Variants in SPIDR observed in about 807,000 individuals in gnomAD.
SPIDR encodes the protein DNA repair-scaffolding protein.
A neutral mutation model predicts 104.6 loss-of-function variants in SPIDR; 93 were observed. The ratio of observed to expected loss-of-function variants is 0.89; its 90% CI spans 0.75 to 1.06. The LOEUF (loss-of-function observed/expected upper bound fraction) is 1.06. SPIDR is among the 50% of genes least tolerant of loss of function. The pLI is 0.00. For synonymous variants in SPIDR, 431 were observed against 416.9 expected, an observed-to-expected ratio of 1.03 and a Z score of -0.41; for missense variants, 1,154 against 1,111.2, an observed-to-expected ratio of 1.04 and a Z score of -0.55.
Position 47,508,784 on chromosome 8 carries a change from G to A in SPIDR, c.1097+68242G>A, listed in dbSNP as rs1019738958. On this transcript the variant is annotated intron_variant, in intron 8 of 19. Coordinates refer to ENST00000297423, the MANE Select transcript of SPIDR (RefSeq NM_001080394.4). ...CCACGCAGCTTCCACCCCACCATCA[G>A]GACACAGAGGTGTTGAGTCCTCCGG... 3.9e-5 allele frequency among the ~76,000 whole-genome samples: 6 copies of A among 152,072 alleles called. No homozygotes were observed. In the East Asian group the frequency reaches 1.2e-3, roughly 29 times the overall value.
At chr8:47,730,277 T>G (rs1450241183) in intron 19 of SPIDR, among the ~76,000 whole-genome samples, 1 of 152,188 alleles carries the variant, frequency 6.6e-6, no homozygotes, top group African/African-American at 2.4e-5. Context: ...TTCTGCTGTG[T>G]GAAATTTGAC....
chr8:47,417,997 A>T (rs1480189787), intron 7 of SPIDR, among the ~76,000 whole-genome samples: 1 of 152,186 alleles, frequency 6.6e-6, no homozygotes, highest in Non-Finnish European at 1.5e-5. Context: ...CTGTTTTGGC[A>T]CCAGTACCAT....
At chr8:47,691,775 G>A (rs1333665138) in intron 11 of SPIDR, among the ~76,000 whole-genome samples, 1 of 152,214 alleles carries the variant, frequency 6.6e-6, no homozygotes, top group East Asian at 1.9e-4. Flanking sequence ...CTGTGGCTTA[G>A]CAGGACCGAT....
At chr8:47,466,720 T>C (rs1273790220) in intron 8 of SPIDR, among the ~76,000 whole-genome samples, 1 of 146,710 alleles carries the variant, frequency 6.8e-6, no homozygotes, top group African/African-American at 2.7e-5. Context: ...AAAAAAAAAG[T>C]TAGATTCCAA....
intron 8 of SPIDR, among the ~76,000 whole-genome samples, chr8:47,471,703 A>G (rs1209335704): frequency 1.3e-5 from 2 of 152,224 alleles, no homozygotes; most frequent in Admixed American, 6.5e-5. Flanking sequence ...CAAAATGATA[A>G]TATGTTTTAT....
intron 8 of SPIDR, among the ~76,000 whole-genome samples, chr8:47,443,193 A>G (rs868933225): frequency 2.6e-5 from 4 of 152,086 alleles, no homozygotes; most frequent in African/African-American, 7.2e-5. Context: ...ATCTTACCAA[A>G]CAACCCCTGG....
At chr8:47,579,382 C>T (rs1324462317) in intron 8 of SPIDR, among the ~76,000 whole-genome samples, 2 of 152,194 alleles carry the variant, frequency 1.3e-5, no homozygotes, top group East Asian at 3.8e-4. Flanking sequence ...GATAACCCCA[C>T]AGAATTTTCT....
intron 8 of SPIDR, among the ~76,000 whole-genome samples, chr8:47,585,841 G>T (rs1564401325): frequency 6.6e-6 from 1 of 152,008 alleles, no homozygotes; most frequent in South Asian, 2.1e-4. Flanking sequence ...ATTCATGAGT[G>T]GATTAATCCA....
intron 8 of SPIDR, among the ~76,000 whole-genome samples, chr8:47,521,041 G>A (rs925444698): frequency 6.6e-6 from 1 of 152,192 alleles, no homozygotes; most frequent in Non-Finnish European, 1.5e-5. Flanking sequence ...AGAGGAAAAT[G>A]CATGTGTACC....
rs774477771 is a variant in SPIDR at position 47,701,835 on chromosome 8, G to A, written c.1888G>A (p.Val630Ile). ...CATTTATAAGCTTTACCAGCCTCCA[G>A]TTACCCGCTGCTTAAGAGACATTCT... is the stretch of plus-strand genomic sequence containing the variant. Reference protein sequence around the residue: ...DPIYKLYQPPVTRCLRDILQM... With the variant: ...DPIYKLYQPPITRCLRDILQM... The change falls in exon 13 of 20, where the codon GTT (valine) becomes ATT (isoleucine). Residue 630 changes from valine to isoleucine, a missense_variant. Transcript: ENST00000297423. 2 of 1,613,980 alleles carry A rather than the reference G, an allele frequency of 1.2e-6. No homozygotes were observed. The highest frequency in any genetic ancestry group is 3.3e-5 in the Admixed American group (2 of 59,996).
chr8:47,535,397 TA>T (rs2086727490), intron 8 of SPIDR, among the ~76,000 whole-genome samples: 1 of 151,738 alleles, frequency 6.6e-6, no homozygotes, highest in Admixed American at 6.6e-5. Flanking sequence ...TATTTGCAGA[TA>T]ACAAATAACT....
At chr8:47,265,290 A>G (rs1225920348) in intron 1 of SPIDR, among the ~76,000 whole-genome samples, 1 of 151,078 alleles carries the variant, frequency 6.6e-6, no homozygotes, top group African/African-American at 2.4e-5. Context: ...CCTGGGCTCA[A>G]GTGATCCTCC....
chr8:47,567,434 G>T (rs895600831), intron 8 of SPIDR, among the ~76,000 whole-genome samples: 1 of 151,932 alleles, frequency 6.6e-6, no homozygotes, highest in African/African-American at 2.4e-5. Flanking sequence ...GGTCAGGCAG[G>T]TCTCGAACTC....
intron 7 of SPIDR, among the ~76,000 whole-genome samples, chr8:47,434,784 G>A (rs542967597): frequency 6.6e-6 from 1 of 151,906 alleles, no homozygotes; most frequent in South Asian, 2.1e-4. Context: ...TTCTTGTATA[G>A]TTATTTGTTA....
chr8:47,312,951 T>A (rs1285978402), intron 5 of SPIDR, among the ~76,000 whole-genome samples: 17 of 152,184 alleles, frequency 1.1e-4, no homozygotes, highest in Non-Finnish European at 1.9e-4. Flanking sequence ...GCTAGCCAGT[T>A]TTCCCAGCAC....
chr8:47,292,400 T>C (rs1419626247), intron 4 of SPIDR, among the ~76,000 whole-genome samples: 2 of 152,208 alleles, frequency 1.3e-5, no homozygotes. Context: ...AGCAGTTCTA[T>C]TATTGATTCA....
intron 7 of SPIDR, among the ~76,000 whole-genome samples, chr8:47,421,543 C>T (rs1253664207): frequency 3.3e-5 from 5 of 152,110 alleles, no homozygotes; most frequent in Admixed American, 1.3e-4. Flanking sequence ...AACTTCTTTG[C>T]CATGGGTTTG....
chr8:47,510,091 T>C (rs143688407), intron 8 of SPIDR, among the ~76,000 whole-genome samples: 96 of 152,350 alleles, frequency 6.3e-4, no homozygotes, highest in Non-Finnish European at 1.1e-3. Context: ...AAAATCTGCA[T>C]TTCGATTTCA....
chr8:47,410,422 G>A (rs1047721315), intron 7 of SPIDR, among the ~76,000 whole-genome samples: 4 of 151,800 alleles, frequency 2.6e-5, no homozygotes, highest in South Asian at 2.1e-4. Flanking sequence ...CTCAGGTGAC[G>A]CACCCACCTC....
Sources: gnomAD v4.1 joint callset for allele counts (sites outside exome capture counted in the v4.1 genomes callset) on GRCh38, gnomAD v4.1.1 for gene constraint, MANE v1.5 for transcripts, NCBI Gene and HGNC (gene_info 2026-07-23, HGNC 2026-07-21) for gene names.